The following PTPRR variants were observed in gnomAD, a reference collection of about 807,000 sequenced individuals.
The protein encoded by PTPRR is protein tyrosine phosphatase receptor type R.
In PTPRR, 38 loss-of-function variants were observed where a neutral mutation model predicts 77.2. The ratio of observed to expected loss-of-function variants is 0.49; its 90% confidence interval spans 0.38 to 0.65. PTPRR has a LOEUF of 0.65. PTPRR is among the 30% of genes least tolerant of loss of function. The pLI is 0.00. For synonymous variants in PTPRR, 299 were observed against 283.1 expected (o/e 1.06, Z -0.57); for missense variants, 744 against 799.2 (o/e 0.93, Z 0.83).
intron 1 of PTPRR, among the ~76,000 whole-genome samples, chr12:70,917,961 T>C (rs569790217): frequency 5.9e-5 from 9 of 152,348 alleles, no homozygotes; most frequent in Non-Finnish European, 1.2e-4. Context: ...CCTGAATGTA[T>C]AGAATTCATT....
intron 6 of PTPRR, among the ~76,000 whole-genome samples, chr12:70,709,483 G>T (rs1592693906): frequency 6.6e-6 from 1 of 152,236 alleles, no homozygotes; most frequent in East Asian, 1.9e-4. Context: ...GCAAGAGGAA[G>T]AAATAAAGAG....
At chr12:70,706,374 TA>T (rs1409144367) in intron 6 of PTPRR, among the ~76,000 whole-genome samples, 2 of 152,028 alleles carry the variant, frequency 1.3e-5, no homozygotes, top group Non-Finnish European at 2.9e-5. Flanking sequence ...AATGAGTAGG[TA>T]TTGTGACCAT....
intron 13 of PTPRR, among the ~76,000 whole-genome samples, chr12:70,644,633 G>C (rs1356754845): frequency 6.6e-6 from 1 of 152,168 alleles, no homozygotes; most frequent in South Asian, 2.1e-4. Context: ...ACATAGCCAA[G>C]CACATATCAA....
At chr12:70,862,327 G>A (rs1892766752) in intron 2 of PTPRR, among the ~76,000 whole-genome samples, 1 of 151,898 alleles carries the variant, frequency 6.6e-6, no homozygotes, top group Non-Finnish European at 1.5e-5. Flanking sequence ...AATTAGTGTA[G>A]TTAAGTGGTC....
intron 1 of PTPRR, among the ~76,000 whole-genome samples, chr12:70,907,837 T>C (rs781284449): frequency 6.6e-6 from 1 of 152,132 alleles, no homozygotes; most frequent in Non-Finnish European, 1.5e-5. Context: ...AATGCTACTA[T>C]ATGTTAAATG....
intron 2 of PTPRR, among the ~76,000 whole-genome samples, chr12:70,793,084 C>T (rs892997920): frequency 6.6e-6 from 1 of 152,134 alleles, no homozygotes; most frequent in African/African-American, 2.4e-5. Flanking sequence ...GTGAAGCCTG[C>T]AGTACAGATC....
chr12:70,652,890 G>T (rs1886447320), intron 13 of PTPRR, among the ~76,000 whole-genome samples: 1 of 152,196 alleles, frequency 6.6e-6, no homozygotes, highest in South Asian at 2.1e-4. Flanking sequence ...ATGAAAGTGG[G>T]CAGGGGAGGT....
chr12:70,890,301 G>A (rs1893313124), intron 2 of PTPRR, among the ~76,000 whole-genome samples: 1 of 152,010 alleles, frequency 6.6e-6, no homozygotes, highest in Admixed American at 6.6e-5. Flanking sequence ...TACTCTCCTT[G>A]TAACAAATAA....
chr12:70,890,631 G>A (rs773182882), intron 2 of PTPRR, among the ~76,000 whole-genome samples: 8 of 152,176 alleles, frequency 5.3e-5, no homozygotes, highest in Middle Eastern at 3.4e-3. Context: ...AATTTCTCCA[G>A]TTCAAGACAC....
intron 2 of PTPRR, among the ~76,000 whole-genome samples, chr12:70,827,910 C>T (rs376706407): frequency 5.3e-5 from 8 of 151,728 alleles, no homozygotes; most frequent in South Asian, 2.1e-4. Context: ...TTAGTAGAGA[C>T]GGGTTTCACC....
intron 8 of PTPRR, among the ~76,000 whole-genome samples, chr12:70,693,914 C>T (rs1266188895): frequency 6.6e-6 from 1 of 151,854 alleles, no homozygotes. Flanking sequence ...GAAAGAGAAA[C>T]TAACATTAGC....
chr12:70,828,278 G>C (rs1201079046), intron 2 of PTPRR, among the ~76,000 whole-genome samples: 1 of 152,156 alleles, frequency 6.6e-6, no homozygotes, highest in African/African-American at 2.4e-5. Flanking sequence ...CTTGCCCTTT[G>C]ATCTGCTCCT....
intron 2 of PTPRR, among the ~76,000 whole-genome samples, chr12:70,782,200 C>T (rs933072529): frequency 6.6e-6 from 1 of 152,022 alleles, no homozygotes; most frequent in Non-Finnish European, 1.5e-5. Context: ...GGAGCCTGAG[C>T]ACAGCTTAAC....
chr12:70,710,747 C>T (rs1888796771), intron 6 of PTPRR, among the ~76,000 whole-genome samples: 1 of 152,004 alleles, frequency 6.6e-6, no homozygotes, highest in Admixed American at 6.6e-5. Flanking sequence ...AGGACAGGAA[C>T]AGACACTTCC....
At chr12:70,732,284 A>G (rs1005058690) in intron 6 of PTPRR, among the ~76,000 whole-genome samples, 1 of 152,244 alleles carries the variant, frequency 6.6e-6, no homozygotes, top group Non-Finnish European at 1.5e-5. Context: ...TCAGGAAAAA[A>G]TATTCCTCTG....
chr12:70,743,046 G>A (rs1386195221), intron 6 of PTPRR, among the ~76,000 whole-genome samples: 1 of 152,122 alleles, frequency 6.6e-6, no homozygotes. Flanking sequence ...TGAGCTAAAG[G>A]TACTTTTTCA....
intron 8 of PTPRR, among the ~76,000 whole-genome samples, chr12:70,697,517 T>G (rs567950499): frequency 9.7e-4 from 148 of 152,296 alleles, no homozygotes; most frequent in Admixed American, 1.6e-3. Context: ...ATGAGTTGTC[T>G]TTTCACTTCC....
chr12:70,836,349 G>C (rs866289661), intron 2 of PTPRR, among the ~76,000 whole-genome samples: 1 of 146,090 alleles, frequency 6.8e-6, no homozygotes. Context: ...TGCTTCATCT[G>C]CCTGCCTGGA....
intron 2 of PTPRR, among the ~76,000 whole-genome samples, chr12:70,774,413 T>G (rs1891046993): frequency 6.6e-6 from 1 of 152,182 alleles, no homozygotes; most frequent in Admixed American, 6.5e-5. Flanking sequence ...AAATGGGAAG[T>G]GAAATGGGAA....
Sources: gnomAD v4.1 joint callset for allele counts (sites outside exome capture counted in the v4.1 genomes callset) on GRCh38, gnomAD v4.1.1 for gene constraint, MANE v1.5 for transcripts, NCBI Gene and HGNC (gene_info 2026-07-23, HGNC 2026-07-21) for gene names.